Variants in IKZF1 observed in about 807,000 individuals in gnomAD.
IKZF1 encodes IKAROS family zinc finger 1.
A neutral mutation model predicts 51.7 loss-of-function variants in IKZF1; 10 were observed. The observed-to-expected ratio is 0.19, with a 90% confidence interval of 0.12 to 0.33. The LOEUF is 0.33. Among genes scored for constraint, IKZF1 ranks in the 10% least tolerant of loss-of-function variants. The probability of loss-of-function intolerance (pLI) is 1.00; values close to 1 mark genes in which losing one functional copy is unlikely to be tolerated. For synonymous variants in IKZF1, 280 were observed against 282.3 expected (o/e 0.99, Z 0.08); for missense variants, 484 against 707.5 (o/e 0.68, Z 3.58).
intron 1 of IKZF1, among the ~76,000 whole-genome samples, chr7:50,312,108 G>A (rs1393062330): frequency 6.6e-6 from 1 of 152,144 alleles, no homozygotes; most frequent in Non-Finnish European, 1.5e-5. Flanking sequence ...TCTGAAATCG[G>A]TAAGAGGGCA....
intron 3 of IKZF1, among the ~76,000 whole-genome samples, chr7:50,342,347 T>C (rs1462166603): frequency 6.6e-6 from 1 of 152,234 alleles, no homozygotes; most frequent in Non-Finnish European, 1.5e-5. Context: ...TAGAAAAACA[T>C]GACATTTAAT....
chr7:50,323,903 CA>C lies in IKZF1; in HGVS notation c.41-3734del, dbSNP rs554385760. On this transcript the variant is annotated intron_variant, in intron 2 of 7. Transcript: ENST00000331340. ...TGGGATAGACCAAAATCATGCTTTT[CA>C]GCCTCCTTTTTCCACTTGAGGAAAG... Among the ~76,000 whole-genome samples, 30 of 152,182 alleles carry C rather than the reference CA, an allele frequency of 2.0e-4. 1 individual carries two copies. Among genetic ancestry groups the C allele is most frequent in the Non-Finnish European group, 2.8e-4 (19 of 68,022 alleles).
intron 3 of IKZF1, among the ~76,000 whole-genome samples, chr7:50,334,522 G>A (rs1411845330): frequency 2.6e-5 from 4 of 151,872 alleles, no homozygotes; most frequent in African/African-American, 9.7e-5. Context: ...TGGTGTGTGT[G>A]TGTATGTGTA....
chr7:50,309,046 T>C lies in IKZF1; in HGVS notation c.-15+4124T>C, dbSNP rs1789499912. The C allele has an allele frequency of 3.9e-5, 6 of 152,262 alleles. No homozygotes were observed. The South Asian group carries it at 1.2e-3, about 32-fold the overall frequency. The allele number at this position is 152,262 out of a possible 1,614,324, so 9.4% of individuals were successfully genotyped here. On this transcript the variant is annotated intron_variant, in intron 1 of 7. Transcript: ENST00000331340. The stretch of plus-strand genomic sequence containing the variant: ...CATATCCCTGTGCAGGCCACCTGTC[T>C]CGGGTGATGGAGAGCATCATTATGC...
Position 50,360,955 on chromosome 7 carries a change from G to A in IKZF1, c.161-15578G>A, listed in dbSNP as rs74616741. On this transcript the variant is annotated intron_variant, in intron 3 of 7. Transcript: ENST00000331340. Reference sequence around the variant, plus strand: ...TTATGGGCAGCCCAGTTATTTTGTAGCATTTCCCTTCCTTATCATTTTGGC... The same window carrying A: ...TTATGGGCAGCCCAGTTATTTTGTAACATTTCCCTTCCTTATCATTTTGGC... 5.3e-3 allele frequency among the ~76,000 whole-genome samples: 803 copies of A among 152,338 alleles called. 40 individuals carry two copies. The East Asian group carries it at 0.12, about 23-fold the overall frequency.
At chr7:50,329,291 G>A (rs985427402) in intron 3 of IKZF1, among the ~76,000 whole-genome samples, 2 of 151,998 alleles carry the variant, frequency 1.3e-5, no homozygotes, top group Admixed American at 6.5e-5. Context: ...ATTGGAAAAT[G>A]GCTACTATAT....
chr7:50,309,047 C>T (rs1256944575), intron 1 of IKZF1: 1 of 152,266 alleles, frequency 6.6e-6, no homozygotes, highest in Admixed American at 6.5e-5. Context: ...CCACCTGTCT[C>T]GGGTGATGGA....
rs1359700343 is a variant in IKZF1, at chr7:50,402,036, A to T, written c.*1409A>T. 1 of 229,584 alleles carries T rather than the reference A, an allele frequency of 4.4e-6. No individual in the cohort carries two copies. The highest frequency in any genetic ancestry group is 8.6e-6 in the Non-Finnish European group (1 of 115,736). 14.2% of individuals were successfully genotyped at this position (229,584 alleles called of 1,614,324 possible). ...CCCTAGGAAAGAGGAGGCAAATGGC[A>T]CTGCAGGTGAGAACCCCGCCCATCC... On this transcript the variant is annotated 3_prime_UTR_variant, in exon 8 of 8. Transcript: ENST00000331340.
chr7:50,380,886 G>T (rs1276047043), intron 4 of IKZF1, among the ~76,000 whole-genome samples: 1 of 152,160 alleles, frequency 6.6e-6, no homozygotes. Context: ...TGATTTACAT[G>T]CATCGGTTTG....
At chr7:50,356,475 TGTGA>T (rs1031303103) in intron 3 of IKZF1, among the ~76,000 whole-genome samples, 3 of 152,186 alleles carry the variant, frequency 2.0e-5, no homozygotes, top group Non-Finnish European at 4.4e-5. Flanking sequence ...TGTGAGAGTG[TGTGA>T]GTGTGTCTTT....
chr7:50,307,224 A>G (rs1287665395), intron 1 of IKZF1, among the ~76,000 whole-genome samples: 3 of 152,232 alleles, frequency 2.0e-5, no homozygotes, highest in Non-Finnish European at 4.4e-5. Flanking sequence ...AACTGTGGTT[A>G]ACGAAGAATT....
At chr7:50,393,558 G>A (rs1415251103) in intron 7 of IKZF1, among the ~76,000 whole-genome samples, 1 of 152,194 alleles carries the variant, frequency 6.6e-6, no homozygotes, top group Non-Finnish European at 1.5e-5. Context: ...GTTGAGAGGA[G>A]CAAGGGAGAG....
In IKZF1 at chr7:50,401,852, C is replaced by T. The variant is rs150857039; in HGVS notation, c.*1225C>T. The T allele has an allele frequency of 4.8e-3, 1,078 of 225,748 alleles. 5 individuals are homozygous for T. The highest frequency in any genetic ancestry group is 0.015 in the African/African-American group (680 of 45,056). The allele number at this position is 225,748 out of a possible 1,614,324, so 14.0% of individuals were successfully genotyped here. On this transcript the variant is annotated 3_prime_UTR_variant, in exon 8 of 8. Transcript: ENST00000331340. ...ACACACAGAGCTCACCTGTTTGAAA[C>T]CAAGCTTTCAAACATGTTGAAGCTC...
intron 2 of IKZF1, among the ~76,000 whole-genome samples, chr7:50,320,828 A>G (rs1234804699): frequency 1.3e-5 from 2 of 152,254 alleles, no homozygotes; most frequent in Admixed American, 6.5e-5. Flanking sequence ...AACTTACCTT[A>G]GAGGTATATT....
intron 3 of IKZF1, among the ~76,000 whole-genome samples, chr7:50,349,847 AT>A (rs1423694309): frequency 1.3e-5 from 2 of 152,174 alleles, no homozygotes; most frequent in Non-Finnish European, 2.9e-5. Flanking sequence ...AAAACATGTT[AT>A]TGGGTCTATG....
chr7:50,341,839 T>G (rs1799141250), intron 3 of IKZF1, among the ~76,000 whole-genome samples: 1 of 152,254 alleles, frequency 6.6e-6, no homozygotes. Context: ...ATGTATTTTT[T>G]TTTTATCTTC....
chr7:50,402,008 A>C lies in IKZF1; in HGVS notation c.*1381A>C, dbSNP rs1293767618. The stretch of plus-strand genomic sequence containing the variant: ...GACCTTCGGAGAGTAATGCCACCAG[A>C]TCCCCTAGGAAAGAGGAGGCAAATG... On this transcript the variant is annotated 3_prime_UTR_variant, in exon 8 of 8. Coordinates refer to ENST00000331340, the MANE Select transcript of IKZF1 (RefSeq NM_006060.6). The C allele has an allele frequency of 4.4e-6, 1 of 229,100 alleles. No homozygotes were observed. The highest frequency in any genetic ancestry group is 8.7e-6 in the Non-Finnish European group (1 of 115,428). 14.2% of individuals were successfully genotyped at this position (229,100 alleles called of 1,614,324 possible). A position where few individuals can be genotyped will look rare whatever the true frequency, so the allele number is the denominator to read the frequency against.
intron 3 of IKZF1, among the ~76,000 whole-genome samples, chr7:50,365,821 C>T (rs578129190): frequency 3.9e-5 from 6 of 152,280 alleles, no homozygotes; most frequent in South Asian, 2.1e-4. Context: ...GACACATGCA[C>T]GCATTTGTTT....
chr7:50,404,365 T>G lies in IKZF1; in HGVS notation c.*3738T>G. On this transcript the variant is annotated 3_prime_UTR_variant, in exon 8 of 8. Transcript: ENST00000331340. ...AACAAGGGATGTACCACTGGAGGAA[T>G]AGAGTATCCTTTTGTACACATTTTG... is the stretch of plus-strand genomic sequence containing the variant. 4.4e-6 allele frequency: 1 copy of G among 226,014 alleles called. No homozygotes were observed. The highest frequency in any genetic ancestry group is 8.8e-6 in the Non-Finnish European group (1 of 113,262). 14.0% of individuals were successfully genotyped at this position (226,014 alleles called of 1,614,324 possible). A position where few individuals can be genotyped will look rare whatever the true frequency, so the allele number is the denominator to read the frequency against.
Sources: allele counts gnomAD v4.1 joint callset (sites outside exome capture counted in the v4.1 genomes callset), GRCh38; gene constraint gnomAD v4.1.1; transcripts MANE v1.5; gene names NCBI Gene and HGNC (gene_info 2026-07-23, HGNC 2026-07-21).